Variants in CDC42EP4 observed in about 807,000 individuals in gnomAD.
CDC42EP4 encodes CDC42 effector protein 4.
CDC42EP4 carries 6 observed loss-of-function variants against 5.6 expected under a neutral mutation model. The ratio of observed to expected loss-of-function variants is 1.07; its 90% confidence interval spans 0.59 to 2.12. The LOEUF (loss-of-function observed/expected upper bound fraction) is 2.12. Ranked by LOEUF, CDC42EP4 falls within the 30% of genes most tolerant of loss-of-function variation. The probability of loss-of-function intolerance (pLI) is 0.00; values close to 1 mark genes in which losing one functional copy is unlikely to be tolerated. For missense variants in CDC42EP4, 490 were observed against 508.6 expected, an observed-to-expected ratio of 0.96 and a Z score of 0.35; for synonymous variants, 230 against 224.2, an observed-to-expected ratio of 1.03 and a Z score of -0.23.
At chr17:73,299,206 G>A (rs1055677413) in intron 1 of CDC42EP4, among the ~76,000 whole-genome samples, 11 of 151,954 alleles carry the variant, frequency 7.2e-5, no homozygotes, top group African/African-American at 1.2e-4. Context: ...GGCAGATCAC[G>A]AGGTCAGGAG....
intron 1 of CDC42EP4, among the ~76,000 whole-genome samples, chr17:73,305,868 CT>C (rs2062242339): frequency 6.6e-6 from 1 of 152,100 alleles, no homozygotes; most frequent in Non-Finnish European, 1.5e-5. Flanking sequence ...TGGGTTGACC[CT>C]TTTCAAAGTC....
At chr17:73,287,124 AGGGAAAGGACAGGAC>A (rs1361899297) in intron 1 of CDC42EP4, among the ~76,000 whole-genome samples, 1 of 152,144 alleles carries the variant, frequency 6.6e-6, no homozygotes, top group Non-Finnish European at 1.5e-5. Flanking sequence ...CAGAGAGAGA[AGGGAAAGGACAGGAC>A]GGGCTCAGGG....
intron 1 of CDC42EP4, among the ~76,000 whole-genome samples, chr17:73,290,912 C>A (rs1398926992): frequency 2.6e-5 from 4 of 152,234 alleles, no homozygotes; most frequent in African/African-American, 7.2e-5. Context: ...ACCAGAGAAG[C>A]TGCAGGTCAC....
At chr17:73,297,169 C>T (rs187565076) in intron 1 of CDC42EP4, among the ~76,000 whole-genome samples, 1,097 of 99,002 alleles carry the variant, frequency 0.011, 14 homozygotes, top group African/African-American at 0.034. Flanking sequence ...TGGCAGGCGC[C>T]TGTAATCCCA....
At chr17:73,296,135 C>T (rs1300501581) in intron 1 of CDC42EP4, among the ~76,000 whole-genome samples, 1 of 150,594 alleles carries the variant, frequency 6.6e-6, no homozygotes, top group Non-Finnish European at 1.5e-5. Context: ...CCTGTAATCC[C>T]AGCACTTTGG....
At chr17:73,294,315 G>A (rs1224582799) in intron 1 of CDC42EP4, among the ~76,000 whole-genome samples, 1 of 151,752 alleles carries the variant, frequency 6.6e-6, no homozygotes, top group Non-Finnish European at 1.5e-5. Context: ...TCGCGCCACT[G>A]CATTCCAGCC....
At chr17:73,288,631 TCCGCCTCCAA>T (rs113546242) in intron 1 of CDC42EP4, among the ~76,000 whole-genome samples, 10 of 151,896 alleles carry the variant, frequency 6.6e-5, no homozygotes, top group African/African-American at 2.2e-4. Context: ...TGACACATGG[TCCGCCTCCAA>T]CCGCCTCCAA....
intron 1 of CDC42EP4, among the ~76,000 whole-genome samples, chr17:73,299,419 G>C (rs2062205966): frequency 1.4e-5 from 2 of 139,148 alleles, no homozygotes; most frequent in South Asian, 4.7e-4. Context: ...GACAGAGCGA[G>C]ACTCCGTCCT....
intron 1 of CDC42EP4, among the ~76,000 whole-genome samples, chr17:73,291,826 C>G (rs1041827121): frequency 6.6e-6 from 1 of 152,172 alleles, no homozygotes; most frequent in Non-Finnish European, 1.5e-5. Flanking sequence ...CCACTGACCA[C>G]GGAACCTTCC....
chr17:73,295,394 T>G (rs894660337), intron 1 of CDC42EP4, among the ~76,000 whole-genome samples: 6 of 152,138 alleles, frequency 3.9e-5, no homozygotes, highest in Admixed American at 3.3e-4. Context: ...AACCTTCTGA[T>G]GTTTGCTACC....
Position 73,289,220 on chromosome 17 carries a change from G to A in CDC42EP4, c.-112-2608C>T, listed in dbSNP as rs75341777. On this transcript the variant is annotated intron_variant, in intron 1 of 1. Coordinates refer to ENST00000335793, the MANE Select transcript of CDC42EP4 (RefSeq NM_012121.5). ...CTTAGTATAAAACTAGCCGTTGGCC[G>A]GGCACAGTGGGTCACAACTGTAATC... 8.8e-4 allele frequency among the ~76,000 whole-genome samples: 134 copies of A among 152,202 alleles called. No homozygotes were observed. The East Asian group carries it at 0.025, about 28-fold the overall frequency.
In CDC42EP4 at chr17:73,286,250, CG is replaced by C; in HGVS notation, c.250del (p.Arg84GlyfsTer9). 1 of 1,614,220 alleles carries C rather than the reference CG, an allele frequency of 6.2e-7. No homozygotes were observed. Among genetic ancestry groups the C allele is most frequent in the Non-Finnish European group, 8.5e-7 (1 of 1,180,048 alleles). ...CACCGACTGTGACCGCTTGCTGCCCCGGAACTTCCTGGACAGGAGACTGCGT... is the reference window on the plus strand; with the variant it reads ...CACCGACTGTGACCGCTTGCTGCCCCGAACTTCCTGGACAGGAGACTGCGT... The part of the protein sequence containing the change: ...SKRSLLSRKF[R>X]GSKRSQSVTR... On this transcript the variant is annotated frameshift_variant, in exon 2 of 2. Transcript: ENST00000335793. LOFTEE classifies it low-confidence loss of function (END_TRUNC). The surrounding 1 kb of genome is among the most constrained non-coding windows in gnomAD (Gnocchi z 7.7).
chr17:73,290,309 G>A (rs1420911809), intron 1 of CDC42EP4, among the ~76,000 whole-genome samples: 2 of 152,196 alleles, frequency 1.3e-5, no homozygotes, highest in East Asian at 3.8e-4. Flanking sequence ...CTCTGGCGGC[G>A]GCATTGCTGG....
chr17:73,298,386 T>C (rs1236228860), intron 1 of CDC42EP4, among the ~76,000 whole-genome samples: 3 of 152,190 alleles, frequency 2.0e-5, no homozygotes, highest in Non-Finnish European at 4.4e-5. Context: ...CCTCCCCAGC[T>C]GAGCAGGAGA....
In CDC42EP4 at chr17:73,287,572, GC is replaced by G. The variant is rs142702448; in HGVS notation, c.-112-961del. 8.1e-3 allele frequency among the ~76,000 whole-genome samples: 1,241 copies of G among 152,308 alleles called. 18 individuals are homozygous for G. The highest frequency in any genetic ancestry group is 0.029 in the African/African-American group (1,195 of 41,570). ...GGCCAAGTTGAAGTTCAGCATTGGG[GC>G]CAAACCAGCCCCTCTCTTCCCTAGA... On this transcript the variant is annotated intron_variant, in intron 1 of 1. Coordinates refer to ENST00000335793, the MANE Select transcript of CDC42EP4 (RefSeq NM_012121.5).
intron 1 of CDC42EP4, among the ~76,000 whole-genome samples, chr17:73,290,997 C>T (rs2062158790): frequency 6.6e-6 from 1 of 152,162 alleles, no homozygotes. Flanking sequence ...ATCCCATTAG[C>T]CACACCACCC....
intron 1 of CDC42EP4, among the ~76,000 whole-genome samples, chr17:73,298,401 C>T (rs1431857181): frequency 6.6e-6 from 1 of 152,210 alleles, no homozygotes; most frequent in Non-Finnish European, 1.5e-5. Flanking sequence ...AGGAGATGAG[C>T]GATAAGGATC....
rs567427196 is a variant in CDC42EP4 at position 73,308,404 on chromosome 17, C to T, written c.-113+3489G>A. Among the ~76,000 whole-genome samples, 54 of 152,276 alleles carry T rather than the reference C, an allele frequency of 3.5e-4. No individual in the cohort carries two copies. In the East Asian group the frequency reaches 6.0e-3, roughly 17 times the overall value. Reference sequence around the variant, plus strand: ...TTATCTCTGGCATCAACCCAGCTCCCCATTCCTCCAAGGGACGGACTCCTC... The same window carrying T: ...TTATCTCTGGCATCAACCCAGCTCCTCATTCCTCCAAGGGACGGACTCCTC... On this transcript the variant is annotated intron_variant, in intron 1 of 1. Coordinates refer to ENST00000335793, the MANE Select transcript of CDC42EP4 (RefSeq NM_012121.5).
At chr17:73,298,687 G>C (rs571824202) in intron 1 of CDC42EP4, among the ~76,000 whole-genome samples, 1 of 150,998 alleles carries the variant, frequency 6.6e-6, no homozygotes, top group South Asian at 2.1e-4. Flanking sequence ...ATCTCTAATG[G>C]GGAAGGCACT....
Sources: gnomAD v4.1 joint callset for allele counts (sites outside exome capture counted in the v4.1 genomes callset) on GRCh38, gnomAD v4.1.1 for gene constraint, Gnocchi (gnomAD v3.1) non-coding constraint, MANE v1.5 for transcripts, NCBI Gene and HGNC (gene_info 2026-07-23, HGNC 2026-07-21) for gene names.